The following TMCO5A variants were observed in gnomAD, a reference collection of about 807,000 sequenced individuals.
TMCO5A encodes the protein transmembrane and coiled-coil domains 5A, also known as transmembrane and coiled-coil domain-containing protein 5A.
TMCO5A carries 34 observed loss-of-function variants against 42.3 expected under a neutral mutation model. The ratio of observed to expected loss-of-function variants is 0.80; its 90% CI spans 0.61 to 1.07. The LOEUF (loss-of-function observed/expected upper bound fraction) is 1.07. Ranked by LOEUF, TMCO5A falls within the 50% of genes least tolerant of loss-of-function variation. TMCO5A has a pLI of 0.00. For synonymous variants in TMCO5A, 131 were observed against 115.6 expected (o/e 1.13, Z -0.86); for missense variants, 357 against 327.9 (o/e 1.09, Z -0.69).
At position 37,936,447 on chromosome 15, in the gene TMCO5A, G is replaced by A. The variant is rs1159665366; in HGVS notation, c.124G>A (p.Glu42Lys). 2 of 1,612,730 alleles carry A rather than the reference G, an allele frequency of 1.2e-6. No individual in the cohort carries two copies. The highest frequency in any genetic ancestry group is 2.2e-5 in the East Asian group (1 of 44,816). Residue 42 changes from glutamate to lysine, a missense_variant, in exon 3 of 12, where the codon GAA becomes AAA. Physicochemically the swap from Glu to Lys is moderately conservative, Grantham distance 56. Coordinates refer to ENST00000319669, the MANE Select transcript of TMCO5A (RefSeq NM_152453.4). ...QKLLLKIQER[E>K]DKIQRLESEI... ...ACTTCTTCTCAAAATCCAAGAGAGG[G>A]AAGATAAGATTCAGAGGTGAGTATT...
the TMCO5A span, among the ~76,000 whole-genome samples, chr15:38,014,617 T>C: frequency 6.6e-6 from 1 of 152,014 alleles, no homozygotes; most frequent in South Asian, 2.1e-4. Flanking sequence ...GAAAATGGCA[T>C]TCAGTGCGTG....
chr15:37,971,495 T>C (rs114609822), downstream of TMCO5A, among the ~76,000 whole-genome samples: 3,035 of 152,312 alleles, frequency 0.02, 105 homozygotes, highest in African/African-American at 0.069. Context: ...GTCTTGGGAA[T>C]TAAGTAATTC....
At chr15:37,999,557 T>C in the TMCO5A span, among the ~76,000 whole-genome samples, 7 of 152,198 alleles carry the variant, frequency 4.6e-5, no homozygotes, top group African/African-American at 1.7e-4. Flanking sequence ...CTAGGATTTC[T>C]AGTACTATGT....
the TMCO5A span, among the ~76,000 whole-genome samples, chr15:38,019,429 T>C: frequency 6.6e-6 from 1 of 152,190 alleles, no homozygotes; most frequent in Non-Finnish European, 1.5e-5. Flanking sequence ...TATAGGTCAG[T>C]TTATCAGAAG....
chr15:37,968,739 C>T (rs1236171539), downstream of TMCO5A, among the ~76,000 whole-genome samples: 3 of 151,976 alleles, frequency 2.0e-5, no homozygotes, highest in Non-Finnish European at 2.9e-5. Context: ...CCCACCACCA[C>T]GCCCGGCTAA....
chr15:37,940,115 T>G (rs181053108), intron 6 of TMCO5A, among the ~76,000 whole-genome samples: 1 of 152,096 alleles, frequency 6.6e-6, no homozygotes, highest in Non-Finnish European at 1.5e-5. Flanking sequence ...CTGCTTCTAC[T>G]CTCACTCCCA....
chr15:37,947,509 G>A (rs751459081), intron 10 of TMCO5A, 147 bp from the exon 11 acceptor site: 8 of 587,856 alleles, frequency 1.4e-5, no homozygotes, highest in Non-Finnish European at 2.1e-5. Context: ...TAAAATTTTG[G>A]CCTGAAAATT....
At chr15:37,978,811 T>C in the TMCO5A span, among the ~76,000 whole-genome samples, 3 of 140,728 alleles carry the variant, frequency 2.1e-5, no homozygotes, top group African/African-American at 9.7e-5. Flanking sequence ...TTTAATTGGG[T>C]CACGGTTCGG....
chr15:37,952,037 C>T (rs550422879), downstream of TMCO5A, among the ~76,000 whole-genome samples: 2 of 152,310 alleles, frequency 1.3e-5, no homozygotes, highest in East Asian at 3.9e-4. Context: ...TCACCTGACA[C>T]CTGCCCACAG....
At chr15:37,957,209 C>T (rs1183316021) in intron 11 of TMCO5A, among the ~76,000 whole-genome samples, 1 of 152,122 alleles carries the variant, frequency 6.6e-6, no homozygotes, top group African/African-American at 2.4e-5. Context: ...CTCACCACTC[C>T]TATTCAACAT....
chr15:38,013,418 G>T, the TMCO5A span, among the ~76,000 whole-genome samples: 1 of 152,104 alleles, frequency 6.6e-6, no homozygotes, highest in Non-Finnish European at 1.5e-5. Context: ...AAGAGGTAAA[G>T]AAGAAATGCT....
the TMCO5A span, among the ~76,000 whole-genome samples, chr15:38,034,091 C>A: frequency 6.6e-6 from 1 of 152,216 alleles, no homozygotes; most frequent in Middle Eastern, 3.4e-3. Context: ...GAGATGGTGC[C>A]TTGTTGCTGC....
At chr15:37,958,497 C>T (rs187304904) in intron 11 of TMCO5A, among the ~76,000 whole-genome samples, 1 of 152,220 alleles carries the variant, frequency 6.6e-6, no homozygotes, top group African/African-American at 2.4e-5. Context: ...AAAAGCTAAT[C>T]ATCACTGGTC....
chr15:37,948,234 G>C (rs1890034187), intron 11 of TMCO5A, among the ~76,000 whole-genome samples: 1 of 152,024 alleles, frequency 6.6e-6, no homozygotes, highest in South Asian at 2.1e-4. Flanking sequence ...TTCATCCTGA[G>C]GGAATCACTG....
chr15:37,986,423 G>GTGTGTGTGTT, the TMCO5A span, among the ~76,000 whole-genome samples: 3 of 147,038 alleles, frequency 2.0e-5, no homozygotes, highest in Non-Finnish European at 4.5e-5. Flanking sequence ...GTGTGTGTGT[G>GTGTGTGTGTT]TTTAAATCAA....
At chr15:38,033,109 C>T in the TMCO5A span, among the ~76,000 whole-genome samples, 2 of 151,764 alleles carry the variant, frequency 1.3e-5, no homozygotes, top group African/African-American at 2.4e-5. Flanking sequence ...TTTGTATTTT[C>T]AGTAGAGACA....
Position 37,936,367 on chromosome 15 carries a change from G to A in TMCO5A, c.44G>A (p.Ser15Asn). 1.9e-6 allele frequency: 3 copies of A among 1,612,964 alleles called. No homozygotes were observed. The highest frequency in any genetic ancestry group is 1.7e-5 in the Admixed American group (1 of 59,870). The change falls in exon 3 of 12, where the codon AGT becomes AAT. Residue 15 changes from serine to asparagine, a missense_variant. Ser to Asn is a conservative substitution (Grantham distance 46, BLOSUM62 1). Transcript: ENST00000319669. ...GCTCAGTCAAAAAGAAACATTATCA[G>A]TTTGAACATGGACCTTGAAAGGGAT... ...RLAQSKRNII[S>N]LNMDLERDTQ...
the TMCO5A span, among the ~76,000 whole-genome samples, chr15:38,036,496 TCACA>T: frequency 0.01 from 637 of 63,526 alleles, 2 homozygotes; most frequent in Non-Finnish European, 0.019. Context: ...TCTCTCTCTC[TCACA>T]CACACACACA....
chr15:37,957,785 C>T (rs1009685680), intron 11 of TMCO5A, among the ~76,000 whole-genome samples: 1 of 152,158 alleles, frequency 6.6e-6, no homozygotes, highest in Non-Finnish European at 1.5e-5. Flanking sequence ...ATAGCCAAGA[C>T]AATCCTAAGC....
Sources: allele counts gnomAD v4.1 joint callset (sites outside exome capture counted in the v4.1 genomes callset), GRCh38; gene constraint gnomAD v4.1.1; transcripts MANE v1.5; gene names NCBI Gene and HGNC (gene_info 2026-07-23, HGNC 2026-07-21).